ADARB2: variants seen among roughly 807,000 people sequenced by gnomAD.
The protein encoded by ADARB2 is inactive double-stranded RNA-specific editase B2.
Under a neutral mutation model 62.2 loss-of-function variants are expected in ADARB2, and 25 were observed. That is an observed-to-expected ratio of 0.40 (90% CI 0.29 to 0.56). The LOEUF is 0.56. Ranked by LOEUF, ADARB2 falls within the 20% of genes least tolerant of loss-of-function variation. The pLI, the probability that ADARB2 is intolerant of heterozygous loss-of-function variation, is 0.43. For synonymous variants in ADARB2, 572 were observed against 500.8 expected (o/e 1.14, Z -1.90); for missense variants, 1,071 against 1,077.4 (o/e 0.99, Z 0.08).
At chr10:1,579,868 C>T (rs1833072904) in intron 1 of ADARB2, among the ~76,000 whole-genome samples, 1 of 152,166 alleles carries the variant, frequency 6.6e-6, no homozygotes, top group Non-Finnish European at 1.5e-5. Flanking sequence ...GCCCAGGTGG[C>T]ATTCTCTCCC....
chr10:1,279,347 C>G (rs554872833), intron 3 of ADARB2, among the ~76,000 whole-genome samples: 4 of 152,282 alleles, frequency 2.6e-5, no homozygotes, highest in Middle Eastern at 3.4e-3. Flanking sequence ...ACATAGTCTC[C>G]CTCTGTTGCT....
intron 6 of ADARB2, among the ~76,000 whole-genome samples, chr10:1,221,940 G>A (rs1158245618): frequency 6.6e-6 from 1 of 152,190 alleles, no homozygotes; most frequent in Non-Finnish European, 1.5e-5. Context: ...CCAGTAATGG[G>A]ATTGCTGGGT....
intron 6 of ADARB2, among the ~76,000 whole-genome samples, chr10:1,227,842 T>C (rs960146433): frequency 6.6e-6 from 1 of 152,232 alleles, no homozygotes; most frequent in South Asian, 2.1e-4. Context: ...CCAGAAAGTC[T>C]GCCTGTGAAG....
intron 1 of ADARB2, among the ~76,000 whole-genome samples, chr10:1,549,811 T>C (rs1456144824): frequency 6.6e-6 from 1 of 152,104 alleles, no homozygotes; most frequent in Admixed American, 6.5e-5. Context: ...CCCCAGACCC[T>C]TCCTTCCAGC....
chr10:1,444,879 C>G, intron 1 of ADARB2, among the ~76,000 whole-genome samples: 1 of 146,532 alleles, frequency 6.8e-6, no homozygotes, highest in Admixed American at 6.8e-5. Flanking sequence ...ATCCATCTAT[C>G]CATCCACCCA....
At chr10:1,211,663 T>C (rs1837154108) in intron 7 of ADARB2, among the ~76,000 whole-genome samples, 1 of 152,150 alleles carries the variant, frequency 6.6e-6, no homozygotes, top group Non-Finnish European at 1.5e-5. Flanking sequence ...AGCTTTCCAA[T>C]TTCCATGGTG....
rs1163810353 is a variant in ADARB2, at chr10:1,477,445, C to T, written c.101-98285G>A. ...GCTTCCTTCCAGCCCTGCTTCTTTG[C>T]AGACGGCCCCTTTTCTGCTGTGCTG... is the stretch of plus-strand genomic sequence containing the variant. On this transcript the variant is annotated intron_variant, in intron 1 of 9. Coordinates refer to ENST00000381312, the MANE Select transcript of ADARB2 (RefSeq NM_018702.4). The surrounding 1 kb of genome is among the most constrained non-coding windows in gnomAD (Gnocchi z 4.5). Among the ~76,000 whole-genome samples the T allele has an allele frequency of 6.6e-6, 1 of 152,198 alleles. No homozygotes were observed. The highest frequency in any genetic ancestry group is 1.5e-5 in the Non-Finnish European group (1 of 68,030).
chr10:1,558,429 C>T (rs1832738179), intron 1 of ADARB2, among the ~76,000 whole-genome samples: 3 of 130,152 alleles, frequency 2.3e-5, no homozygotes, highest in African/African-American at 9.1e-5. Context: ...GCTCAGCACC[C>T]CCATGCCCCA....
chr10:1,268,215 A>T, intron 4 of ADARB2, among the ~76,000 whole-genome samples: 1 of 152,246 alleles, frequency 6.6e-6, no homozygotes. Context: ...TAGTACTTAG[A>T]ATCACAAGAA....
intron 1 of ADARB2, among the ~76,000 whole-genome samples, chr10:1,610,200 T>A (rs947651162): frequency 2.0e-5 from 3 of 152,114 alleles, no homozygotes; most frequent in African/African-American, 7.2e-5. Context: ...CACCGTGGGC[T>A]CCCTGCCTCC....
At chr10:1,707,465 A>G (rs956704394) in intron 1 of ADARB2, among the ~76,000 whole-genome samples, 3 of 152,284 alleles carry the variant, frequency 2.0e-5, no homozygotes, top group African/African-American at 7.2e-5. Flanking sequence ...TTTTCTCCAC[A>G]TTGTCTTTTG....
intron 1 of ADARB2, among the ~76,000 whole-genome samples, chr10:1,622,117 A>G (rs1379426826): frequency 6.6e-6 from 1 of 152,226 alleles, no homozygotes; most frequent in Non-Finnish European, 1.5e-5. Flanking sequence ...TCTTTTCAAG[A>G]AATGGTTCTG....
intron 7 of ADARB2, among the ~76,000 whole-genome samples, chr10:1,201,458 G>T (rs1564218362): frequency 6.6e-6 from 1 of 152,198 alleles, no homozygotes; most frequent in Non-Finnish European, 1.5e-5. Context: ...AAGTCACGGT[G>T]CTTCTCCCAG....
At chr10:1,645,077 A>T (rs572967492) in intron 1 of ADARB2, among the ~76,000 whole-genome samples, 85 of 152,340 alleles carry the variant, frequency 5.6e-4, no homozygotes, top group African/African-American at 1.8e-3. Flanking sequence ...CGCATGGAAA[A>T]CTGGTGTCAG....
At chr10:1,460,928 G>T (rs538174778) in intron 1 of ADARB2, among the ~76,000 whole-genome samples, 1 of 151,752 alleles carries the variant, frequency 6.6e-6, no homozygotes, top group South Asian at 2.1e-4. Context: ...GTTTACCTGC[G>T]TAACAAACCT....
intron 1 of ADARB2, among the ~76,000 whole-genome samples, chr10:1,464,285 GC>G: frequency 1.5e-5 from 2 of 131,016 alleles, no homozygotes; most frequent in African/African-American, 5.7e-5. Context: ...CCACACACGC[GC>G]TGGGGACAGT....
At chr10:1,188,616 C>CTT (rs11389648) in intron 8 of ADARB2, among the ~76,000 whole-genome samples, 6,141 of 142,322 alleles carry the variant, frequency 0.043, 381 homozygotes, top group African/African-American at 0.13. Flanking sequence ...ACCTTCTTGT[C>CTT]TTTTTTTTTT....
intron 1 of ADARB2, among the ~76,000 whole-genome samples, chr10:1,625,711 G>T (rs1381459528): frequency 6.6e-6 from 1 of 152,142 alleles, no homozygotes; most frequent in Non-Finnish European, 1.5e-5. Flanking sequence ...TGGAATGACA[G>T]CCTCCACAGA....
chr10:1,276,409 T>C (rs1437604900), intron 3 of ADARB2, among the ~76,000 whole-genome samples: 2 of 152,158 alleles, frequency 1.3e-5, no homozygotes, highest in African/African-American at 2.4e-5. Context: ...TGGATATTAG[T>C]CCTTTGTCAG....
Sources: allele counts gnomAD v4.1 joint callset (sites outside exome capture counted in the v4.1 genomes callset), GRCh38; gene constraint gnomAD v4.1.1; non-coding constraint Gnocchi (gnomAD v3.1); transcripts MANE v1.5; gene names NCBI Gene and HGNC (gene_info 2026-07-23, HGNC 2026-07-21).